Variants in CNTD1 observed in about 807,000 individuals in gnomAD.
CNTD1 encodes cyclin N-terminal domain-containing protein 1.
Under a neutral mutation model 36.3 loss-of-function variants are expected in CNTD1, and 17 were observed. That is an observed-to-expected ratio of 0.47 (90% CI 0.32 to 0.70). CNTD1 has a LOEUF of 0.70. Among genes scored for constraint, CNTD1 ranks in the 30% least tolerant of loss-of-function variants. The probability of loss-of-function intolerance (pLI) is 0.03; values close to 1 mark genes in which losing one functional copy is unlikely to be tolerated. For synonymous variants in CNTD1, 128 were observed against 153.3 expected (o/e 0.83, Z 1.22); for missense variants, 338 against 386.1 (o/e 0.88, Z 1.04).
upstream of CNTD1, chr17:42,798,809 G>C: frequency 1.4e-6 from 2 of 1,451,038 alleles, no homozygotes; most frequent in Non-Finnish European, 1.8e-6. Context: ...CGGTTCCCGG[G>C]CACAGGGGAT....
At position 42,807,786 on chromosome 17, in the gene CNTD1, G is replaced by T. The variant is rs1489011394; in HGVS notation, c.744G>T (p.Val248=). ...CACTCAGGGAAAAGTTTACTTCAGT[G>T]AAGGAAGACTTCATGCTGTTGGCAG... ...SQLQGEKFTS[V]KEDFMLLAVG... is the part of the protein sequence containing the mutation. Residue 248 remains valine (V), a synonymous_variant, in exon 6 of 7, where the codon GTG becomes GTT. Coordinates refer to ENST00000588408, the MANE Select transcript of CNTD1 (RefSeq NM_173478.3). 12 of 1,613,738 alleles carry T rather than the reference G, an allele frequency of 7.4e-6. No homozygotes were observed. The highest frequency in any genetic ancestry group is 1.0e-5 in the Non-Finnish European group (12 of 1,179,744).
In CNTD1 at chr17:42,798,954, A is replaced by G. The variant is rs2054722569; in HGVS notation, c.-114A>G. ...TTCCTCAGACTTGAGGCGACGACAC[A>G]CTCATTGGAAGGGGACGAGGAATCC... On this transcript the variant is annotated 5_prime_UTR_variant, in exon 1 of 7. Coordinates refer to ENST00000588408, the MANE Select transcript of CNTD1 (RefSeq NM_173478.3). The G allele has an allele frequency of 6.7e-7, 1 of 1,481,886 alleles. No individual in the cohort carries two copies. The highest frequency in any genetic ancestry group is 1.4e-5 in the African/African-American group (1 of 70,590). 91.8% of individuals were successfully genotyped at this position (1,481,886 alleles called of 1,614,324 possible). A position where few individuals can be genotyped will look rare whatever the true frequency, so the allele number is the denominator to read the frequency against.
chr17:42,800,979 G>A (rs1032556468), intron 1 of CNTD1, among the ~76,000 whole-genome samples: 4 of 152,148 alleles, frequency 2.6e-5, no homozygotes, highest in Non-Finnish European at 5.9e-5. Context: ...GAGGTCAGGG[G>A]TTCGAGACCA....
rs1382966971 is a variant in CNTD1 at position 42,803,657 on chromosome 17, GA to G, written c.210del (p.Lys70AsnfsTer3). ...FLLSEQWCLE[K>X]SVSYQAVEIL... ...TCCTGTCTGAACAATGGTGTCTGGA[GA>G]AATCTGTGAGCTACCAGGCTGTAGA... On this transcript the variant is annotated frameshift_variant, in exon 2 of 7. Transcript: ENST00000588408. LOFTEE classifies it high-confidence loss of function. 2 of 1,614,066 alleles carry G rather than the reference GA, an allele frequency of 1.2e-6. No individual in the cohort carries two copies. Among genetic ancestry groups the G allele is most frequent in the Non-Finnish European group, 1.7e-6 (2 of 1,179,974 alleles).
chr17:42,799,583 C>A (rs943319456), intron 1 of CNTD1, among the ~76,000 whole-genome samples: 3 of 151,260 alleles, frequency 2.0e-5, no homozygotes, highest in African/African-American at 4.9e-5. Context: ...GAAATCCTGT[C>A]TCTACTAAAA....
Position 42,807,868 on chromosome 17 carries a change from T to C in CNTD1, c.822+4T>C. 1 of 1,599,924 alleles carries C rather than the reference T, an allele frequency of 6.3e-7. No individual in the cohort carries two copies. The highest frequency in any genetic ancestry group is 1.1e-5 in the South Asian group (1 of 90,810). ...AAACCATGAGTGTTGGAGCCAGGTA[T>C]GCACCACTGAGCAGGACCAGCATGG... is the stretch of plus-strand genomic sequence containing the variant. On this transcript the variant is annotated splice_donor_region_variant and intron_variant, in intron 6 of 6. Transcript: ENST00000588408.
intron 6 of CNTD1, 21 bp from the exon 7 acceptor site, chr17:42,809,344 A>T (rs1223996239): frequency 6.3e-7 from 1 of 1,591,166 alleles, no homozygotes; most frequent in South Asian, 1.1e-5. Context: ...AGTAATAAGA[A>T]ATCTGTCTCT....
intron 5 of CNTD1, among the ~76,000 whole-genome samples, chr17:42,807,233 G>A (rs896389793): frequency 5.3e-5 from 8 of 152,004 alleles, no homozygotes; most frequent in Non-Finnish European, 1.0e-4. Context: ...GGCTAACAGC[G>A]TGAAACCACG....
chr17:42,801,974 C>T (rs2054803109), intron 1 of CNTD1, among the ~76,000 whole-genome samples: 1 of 152,106 alleles, frequency 6.6e-6, no homozygotes, highest in Non-Finnish European at 1.5e-5. Context: ...TGCAAAAAGC[C>T]ATGATATTTA....
At chr17:42,802,955 C>T (rs188526705) in intron 1 of CNTD1, among the ~76,000 whole-genome samples, 29 of 152,282 alleles carry the variant, frequency 1.9e-4, no homozygotes, top group African/African-American at 7.0e-4. Context: ...ATGACTCCCT[C>T]CCCCTAAATT....
At chr17:42,804,852 C>G (rs1291368216) in intron 3 of CNTD1, among the ~76,000 whole-genome samples, 1 of 152,090 alleles carries the variant, frequency 6.6e-6, no homozygotes, top group African/African-American at 2.4e-5. Flanking sequence ...GAAACCTACT[C>G]CTAGGTTAGG....
chr17:42,803,523 C>A, intron 1 of CNTD1, 97 bp from the exon 2 acceptor site: 1 of 871,820 alleles, frequency 1.1e-6, no homozygotes, highest in Non-Finnish European at 1.9e-6. Flanking sequence ...TGACCCTCTT[C>A]CCTTGGCCCC....
rs1423908100 is a variant in CNTD1, at chr17:42,799,803, C to T, written c.169+567C>T. On this transcript the variant is annotated intron_variant, in intron 1 of 6. Transcript: ENST00000588408. The stretch of plus-strand genomic sequence containing the variant: ...AAAAAAGGCTGGGCGCGGTGGCTCA[C>T]GCCTGTAATCCCAGCATTTTGGGAG... Among the ~76,000 whole-genome samples the T allele has an allele frequency of 2.3e-4, 32 of 141,670 alleles. 1 individual carries two copies. Among genetic ancestry groups the T allele is most frequent in the South Asian group, 2.2e-4 (1 of 4,556 alleles). The allele number at this position is 141,670 out of a possible 152,430, so 92.9% of individuals were successfully genotyped here.
Position 42,799,208 on chromosome 17 carries a change from G to C in CNTD1, c.141G>C (p.Leu47=). ...EQAVREASGR[L]GRFREPQIVE... is the part of the protein sequence containing the mutation. ...CAGTGAGGGAGGCTTCGGGGCGGCT[G>C]GGCCGCTTCAGGGAGCCCCAGATCG... The change falls in exon 1 of 7, where the codon CTG becomes CTC. Residue 47 remains leucine (L), a synonymous_variant. Transcript: ENST00000588408. The C allele has an allele frequency of 6.2e-7, 1 of 1,613,936 alleles. No homozygotes were observed. The highest frequency in any genetic ancestry group is 2.2e-5 in the East Asian group (1 of 44,874).
Position 42,799,004 on chromosome 17 carries a change from G to A in CNTD1, c.-64G>A, listed in dbSNP as rs2054723615. 11 of 1,581,060 alleles carry A rather than the reference G, an allele frequency of 7.0e-6. No homozygotes were observed. Among genetic ancestry groups the A allele is most frequent in the Admixed American group, 3.6e-5 (2 of 54,874 alleles). On this transcript the variant is annotated 5_prime_UTR_variant, in exon 1 of 7. Transcript: ENST00000588408. ...CAGGGTGTGGCAGAAGACTGGAGAG[G>A]AGCTAAGGGGGTCGGTATGTGGATC...
rs1196243420 is a variant in CNTD1, at chr17:42,810,239, C to T, written c.*704C>T. Reference sequence around the variant, plus strand: ...TCATATCTCTAACACAGAGCAGAGTCGGCATTCAGTATAAGAACCAAGTGA... The same window carrying T: ...TCATATCTCTAACACAGAGCAGAGTTGGCATTCAGTATAAGAACCAAGTGA... On this transcript the variant is annotated 3_prime_UTR_variant, in exon 7 of 7. Transcript: ENST00000588408. 1.3e-5 allele frequency: 2 copies of T among 152,930 alleles called. No homozygotes were observed. The highest frequency in any genetic ancestry group is 2.1e-4 in the South Asian group (1 of 4,826). The allele number at this position is 152,930 out of a possible 1,614,324, so 9.5% of individuals were successfully genotyped here.
chr17:42,799,373 T>C, intron 1 of CNTD1, 137 bp downstream of exon 1: 2 of 987,768 alleles, frequency 2.0e-6, no homozygotes, highest in Middle Eastern at 3.3e-4. Context: ...GCTGGGGATA[T>C]AGTGATGGAT....
intron 1 of CNTD1, among the ~76,000 whole-genome samples, chr17:42,800,619 C>T (rs929270972): frequency 1.5e-4 from 23 of 152,052 alleles, no homozygotes; most frequent in African/African-American, 5.3e-4. Context: ...ACGATGGTAA[C>T]CCTGCCTTAG....
At position 42,806,691 on chromosome 17, in the gene CNTD1, G is replaced by T. The variant is rs761003263; in HGVS notation, c.598G>T (p.Val200Phe). The stretch of plus-strand genomic sequence containing the variant: ...CCATCTAGGATACAATGGCTGTTTG[G>T]TTCCAGCCATGAGGCTGCATGCAAC... The part of the protein sequence containing the change: ...LEVLGYNGCL[V>F]PAMRLHATCL... Residue 200 changes from valine (V) to phenylalanine (F), a missense_variant, in exon 5 of 7, where the codon GTT becomes TTT. Physicochemically the swap from Val to Phe is conservative, Grantham distance 50. Transcript: ENST00000588408. 33 of 1,613,836 alleles carry T rather than the reference G, an allele frequency of 2.0e-5. No individual in the cohort carries two copies. The South Asian group carries it at 3.3e-4, about 16-fold the overall frequency.
Sources: gnomAD v4.1 joint callset for allele counts (sites outside exome capture counted in the v4.1 genomes callset) on GRCh38, gnomAD v4.1.1 for gene constraint, MANE v1.5 for transcripts, NCBI Gene and HGNC (gene_info 2026-07-23, HGNC 2026-07-21) for gene names.